NTM: variants seen among roughly 807,000 people sequenced by gnomAD.
The protein encoded by NTM is IgLON family member 2.
A neutral mutation model predicts 42.1 loss-of-function variants in NTM; 13 were observed. That is an observed-to-expected ratio of 0.31 (90% CI 0.20 to 0.49). The LOEUF is 0.49. Among genes scored for constraint, NTM ranks in the 20% least tolerant of loss-of-function variants. The probability of loss-of-function intolerance (pLI) is 0.99; values close to 1 mark genes in which losing one functional copy is unlikely to be tolerated. For missense variants in NTM, 373 were observed against 452.8 expected (o/e 0.82, Z 1.60); for synonymous variants, 187 against 179.2 (o/e 1.04, Z -0.35).
intron 2 of NTM, among the ~76,000 whole-genome samples, chr11:132,043,956 C>CTG (rs1389188401): frequency 2.6e-4 from 26 of 99,060 alleles, no homozygotes; most frequent in African/African-American, 8.0e-4. Flanking sequence ...CAGACACCAA[C>CTG]TATGTGTGTG....
chr11:132,286,774 C>T (rs2094253062), intron 4 of NTM, among the ~76,000 whole-genome samples: 1 of 152,202 alleles, frequency 6.6e-6, no homozygotes, highest in Non-Finnish European at 1.5e-5. Context: ...TTGAATCCAC[C>T]TGACCACCAT....
At chr11:132,212,298 T>C (rs1312289422) in intron 4 of NTM, 151 bp downstream of exon 4, 1 of 621,682 alleles carries the variant, frequency 1.6e-6, no homozygotes, top group Non-Finnish European at 2.8e-6. Flanking sequence ...GCAGAGAACG[T>C]TGATGTTCTC....
intron 4 of NTM, among the ~76,000 whole-genome samples, chr11:132,268,668 CTCTG>C (rs1049695812): frequency 7.1e-4 from 98 of 138,698 alleles, no homozygotes; most frequent in Admixed American, 1.9e-3. Context: ...CTCTCTCTCT[CTCTG>C]TGTGTGTGTG....
At chr11:131,546,287 C>T (rs1479686811) in intron 1 of NTM, among the ~76,000 whole-genome samples, 1 of 152,108 alleles carries the variant, frequency 6.6e-6, no homozygotes, top group Non-Finnish European at 1.5e-5. Flanking sequence ...TTCTTCTTTG[C>T]CTCAAAATAA....
chr11:131,634,122 G>A (rs763422674), intron 1 of NTM, among the ~76,000 whole-genome samples: 17 of 152,118 alleles, frequency 1.1e-4, no homozygotes, highest in Non-Finnish European at 2.4e-4. Context: ...AAACAGGAGT[G>A]GTTGGTAAAT....
intron 2 of NTM, among the ~76,000 whole-genome samples, chr11:132,055,018 A>G (rs1374935071): frequency 6.6e-6 from 1 of 152,188 alleles, no homozygotes; most frequent in Non-Finnish European, 1.5e-5. Flanking sequence ...TAGGAAGTGG[A>G]TTCCAGCTTT....
chr11:131,874,067 A>ATATATC (rs2137136694), intron 1 of NTM, among the ~76,000 whole-genome samples: 3 of 66,494 alleles, frequency 4.5e-5, no homozygotes, highest in South Asian at 7.5e-4. Context: ...ATATATATAT[A>ATATATC]TCAGCAACAG....
intron 1 of NTM, among the ~76,000 whole-genome samples, chr11:131,874,030 A>AATATAATAT (rs1491528420): frequency 2.6e-5 from 2 of 76,632 alleles, no homozygotes; most frequent in East Asian, 6.1e-4. Context: ...AATATAATAT[A>AATATAATAT]ATATATATAT....
chr11:131,667,863 A>C (rs2134582688), intron 1 of NTM, among the ~76,000 whole-genome samples: 2 of 152,186 alleles, frequency 1.3e-5, no homozygotes, highest in East Asian at 3.9e-4. Flanking sequence ...TGCTACCAGG[A>C]TTGGGACCCA....
rs890566869 is a variant in NTM at position 132,002,806 on chromosome 11, G to A, written c.167+91158G>A. Among the ~76,000 whole-genome samples the A allele has an allele frequency of 3.9e-5, 6 of 152,064 alleles. No homozygotes were observed. Among genetic ancestry groups the A allele is most frequent in the Admixed American group, 1.3e-4 (2 of 15,266 alleles). On this transcript the variant is annotated intron_variant, in intron 2 of 8. Transcript: ENST00000683400. This position sits in a 1 kb window ranked among gnomAD's most constrained non-coding sequence, Gnocchi z 4.5. ...GAAAAGTGGAGGAAATCATAGTAAC[G>A]ATTTATTAAAGTTGAAGATTGAGTT...
At chr11:131,958,590 A>G (rs746944805) in intron 2 of NTM, among the ~76,000 whole-genome samples, 14 of 152,100 alleles carry the variant, frequency 9.2e-5, no homozygotes, top group Non-Finnish European at 1.6e-4. Context: ...CTCCACCCCA[A>G]TTTGTTTTCT....
In NTM at chr11:132,146,297, C is replaced by G. The variant is rs769822137; in HGVS notation, c.183C>G (p.Asn61Lys). ...TTCCCTTCAGGTGCACTATTGACAA[C>G]CGGGTCACCCGGGTGGCCTGGCTAA... The part of the protein sequence containing the change: ...ESATLRCTID[N>K]RVTRVAWLNR... The change falls in exon 3 of 9, where the codon AAC becomes AAG. Residue 61 changes from asparagine to lysine, a missense_variant. Around this residue, in one of 3 missense-constraint regions of NTM, gnomAD observed 32 missense variants for 68.8 expected, o/e 0.47. Transcript: ENST00000683400. This position sits in a 1 kb window ranked among gnomAD's most constrained non-coding sequence, Gnocchi z 4.5. 1.9e-6 allele frequency: 3 copies of G among 1,614,224 alleles called. No homozygotes were observed. Among genetic ancestry groups the G allele is most frequent in the African/African-American group, 2.7e-5 (2 of 75,058 alleles).
chr11:131,598,845 CT>C (rs1565686473), intron 1 of NTM, among the ~76,000 whole-genome samples: 7 of 26,056 alleles, frequency 2.7e-4, no homozygotes, highest in African/African-American at 7.5e-4. Context: ...TTCTTTCTTT[CT>C]TTCTTCCTTC....
At chr11:131,829,208 G>A (rs2042504746) in intron 1 of NTM, among the ~76,000 whole-genome samples, 1 of 152,048 alleles carries the variant, frequency 6.6e-6, no homozygotes. Flanking sequence ...TTTTGCTTTA[G>A]ATTCATGGGA....
chr11:131,616,876 C>G (rs1380357737), intron 1 of NTM, among the ~76,000 whole-genome samples: 1 of 151,810 alleles, frequency 6.6e-6, no homozygotes, highest in Non-Finnish European at 1.5e-5. Flanking sequence ...CAGCCCTCCT[C>G]CTCTGTAGCA....
At chr11:131,669,325 C>T (rs778924141) in intron 1 of NTM, among the ~76,000 whole-genome samples, 26 of 152,280 alleles carry the variant, frequency 1.7e-4, no homozygotes, top group African/African-American at 3.4e-4. Context: ...AACCCTGGCT[C>T]GCCATGATTG....
intron 1 of NTM, among the ~76,000 whole-genome samples, chr11:131,579,806 G>A (rs1380264927): frequency 1.3e-5 from 2 of 152,186 alleles, no homozygotes; most frequent in East Asian, 3.9e-4. Flanking sequence ...TTCCAGCATT[G>A]CTTGAATGGG....
At chr11:132,011,418 C>T (rs929702047) in intron 2 of NTM, among the ~76,000 whole-genome samples, 5 of 152,140 alleles carry the variant, frequency 3.3e-5, no homozygotes, top group African/African-American at 7.2e-5. Flanking sequence ...ATAATGGCAG[C>T]GGAGTCAATA....
At chr11:132,103,189 C>G (rs1319784472) in intron 2 of NTM, among the ~76,000 whole-genome samples, 2 of 152,250 alleles carry the variant, frequency 1.3e-5, no homozygotes, top group African/African-American at 2.4e-5. Context: ...GGCCTCTCTC[C>G]AGGCTTATGT....
Sources: allele counts gnomAD v4.1 joint callset (sites outside exome capture counted in the v4.1 genomes callset), GRCh38; gene constraint gnomAD v4.1.1; regional missense constraint gnomAD v4.1.1; non-coding constraint Gnocchi (gnomAD v3.1); transcripts MANE v1.5; gene names NCBI Gene and HGNC (gene_info 2026-07-23, HGNC 2026-07-21).